The following QTMAN variants were observed in gnomAD, a reference collection of about 807,000 sequenced individuals.
QTMAN encodes queuosine-tRNA mannosyltransferase.
the QTMAN span, among the ~76,000 whole-genome samples, chr2:143,960,544 T>C: frequency 6.6e-6 from 1 of 152,064 alleles, no homozygotes; most frequent in Non-Finnish European, 1.5e-5. Context: ...GTGAGATACA[T>C]GGGCTCATCT....
the QTMAN span, among the ~76,000 whole-genome samples, chr2:144,220,639 G>C: frequency 2.6e-5 from 4 of 152,278 alleles, no homozygotes; most frequent in East Asian, 5.8e-4. Flanking sequence ...TTTTCAAACA[G>C]AGTAAAGTTA....
chr2:144,157,714 C>A, the QTMAN span, among the ~76,000 whole-genome samples: 1 of 151,696 alleles, frequency 6.6e-6, no homozygotes. Flanking sequence ...ATACTTGAGA[C>A]CACAAATATC....
At chr2:144,215,795 T>A in the QTMAN span, among the ~76,000 whole-genome samples, 3 of 152,216 alleles carry the variant, frequency 2.0e-5, no homozygotes, top group African/African-American at 7.2e-5. Context: ...ATTTAAAGTA[T>A]CGCATTGCCC....
chr2:144,084,969 T>C, the QTMAN span, among the ~76,000 whole-genome samples: 3 of 152,230 alleles, frequency 2.0e-5, no homozygotes, highest in Non-Finnish European at 4.4e-5. Flanking sequence ...GGGTCCCTGG[T>C]AGCCTCCAGG....
the QTMAN span, among the ~76,000 whole-genome samples, chr2:144,238,418 T>C: frequency 2.6e-5 from 4 of 152,194 alleles, no homozygotes; most frequent in Non-Finnish European, 5.9e-5. Flanking sequence ...GTGCTGTTCC[T>C]AGCTATTCAC....
chr2:144,072,848 G>A, the QTMAN span, among the ~76,000 whole-genome samples: 1 of 152,182 alleles, frequency 6.6e-6, no homozygotes, highest in Non-Finnish European at 1.5e-5. Flanking sequence ...CTTAAATTTA[G>A]TGAGCATAGA....
At chr2:143,990,734 T>C in the QTMAN span, among the ~76,000 whole-genome samples, 1 of 151,988 alleles carries the variant, frequency 6.6e-6, no homozygotes, top group South Asian at 2.1e-4. Context: ...AAATATAGGC[T>C]CGTGATCAAA....
At chr2:144,133,151 AATAT>A in the QTMAN span, among the ~76,000 whole-genome samples, 67 of 51,388 alleles carry the variant, frequency 1.3e-3, no homozygotes, top group African/African-American at 5.6e-3. Context: ...ATATATATAT[AATAT>A]AATATAATAT....
At chr2:144,304,295 T>G in the QTMAN span, among the ~76,000 whole-genome samples, 1 of 152,298 alleles carries the variant, frequency 6.6e-6, no homozygotes, top group East Asian at 1.9e-4. Context: ...TAAAGGATAC[T>G]CAAAACAATC....
At chr2:144,126,395 T>A in the QTMAN span, among the ~76,000 whole-genome samples, 30 of 151,998 alleles carry the variant, frequency 2.0e-4, no homozygotes, top group African/African-American at 6.7e-4. Flanking sequence ...GCTCTCCAGG[T>A]GATTATGATG....
chr2:144,287,888 C>G, the QTMAN span, among the ~76,000 whole-genome samples: 1 of 152,096 alleles, frequency 6.6e-6, no homozygotes, highest in South Asian at 2.1e-4. Flanking sequence ...TGGAGTCTCG[C>G]TCTGTCGCCA....
At chr2:144,131,870 T>A in the QTMAN span, among the ~76,000 whole-genome samples, 1 of 151,886 alleles carries the variant, frequency 6.6e-6, no homozygotes, top group African/African-American at 2.4e-5. Context: ...ACTACCTAGC[T>A]TCCAGGGGAT....
At chr2:144,103,818 G>A in the QTMAN span, among the ~76,000 whole-genome samples, 16 of 152,252 alleles carry the variant, frequency 1.1e-4, no homozygotes, top group East Asian at 3.1e-3. Context: ...GGCCAGGCAG[G>A]GTGGCTCACA....
chr2:144,311,457 T>C, the QTMAN span, among the ~76,000 whole-genome samples: 2 of 152,278 alleles, frequency 1.3e-5, no homozygotes, highest in East Asian at 1.9e-4. Flanking sequence ...GGAAGACACA[T>C]TGCGCATCAC....
the QTMAN span, among the ~76,000 whole-genome samples, chr2:144,206,292 G>A: frequency 6.6e-6 from 1 of 152,092 alleles, no homozygotes; most frequent in Non-Finnish European, 1.5e-5. Flanking sequence ...TACAAAAAGA[G>A]TAACAACTGG....
the QTMAN span, among the ~76,000 whole-genome samples, chr2:144,050,781 GCACACACACA>G: frequency 6.7e-6 from 1 of 148,918 alleles, no homozygotes; most frequent in African/African-American, 2.5e-5. Context: ...CTTTCAGTCA[GCACACACACA>G]CACACACACA....
At chr2:144,076,792 C>T in the QTMAN span, among the ~76,000 whole-genome samples, 1 of 152,058 alleles carries the variant, frequency 6.6e-6, no homozygotes, top group Non-Finnish European at 1.5e-5. Flanking sequence ...TTATACTGTG[C>T]TATCAAGGTA....
chr2:143,959,009 G>A, the QTMAN span, among the ~76,000 whole-genome samples: 2 of 151,852 alleles, frequency 1.3e-5, no homozygotes, highest in Non-Finnish European at 2.9e-5. Flanking sequence ...CCTTTAAGTA[G>A]TAGTTTCCTC....
chr2:144,162,335 A>G, the QTMAN span, among the ~76,000 whole-genome samples: 1 of 152,200 alleles, frequency 6.6e-6, no homozygotes, highest in Non-Finnish European at 1.5e-5. Context: ...ACCTAGGTCA[A>G]AAGAGCATAA....
Sources: gnomAD v4.1 joint callset for allele counts (sites outside exome capture counted in the v4.1 genomes callset) on GRCh38, gnomAD v4.1.1 for gene constraint, MANE v1.5 for transcripts, NCBI Gene and HGNC (gene_info 2026-07-23, HGNC 2026-07-21) for gene names.